DEFA4: variants seen among roughly 807,000 people sequenced by gnomAD.
The protein encoded by DEFA4 is corticostatin.
A neutral mutation model predicts 4.4 loss-of-function variants in DEFA4; 8 were observed. The observed-to-expected ratio is 1.82, with a 90% CI of 1.07 to 3.29. The LOEUF (loss-of-function observed/expected upper bound fraction) is 3.29. Among genes scored for constraint, DEFA4 ranks in the 30% most tolerant of loss-of-function variants. The pLI is 0.00. For missense variants in DEFA4, 216 were observed against 127.0 expected (o/e 1.70, Z -3.37); for synonymous variants, 77 against 46.5 (o/e 1.66, Z -2.67).
chr8:6,936,101 G>C lies in DEFA4; in HGVS notation c.213C>G (p.Phe71Leu), dbSNP rs1808838437. The C allele has an allele frequency of 6.2e-7, 1 of 1,614,044 alleles. No individual in the cohort carries two copies. The highest frequency in any genetic ancestry group is 1.1e-5 in the South Asian group (1 of 90,988). ...CAACACGAAGTTCTGTTCGCCGGCA[G>C]AATACTAATCTGCAAGAGCAGACCA... ...RGMVCSCRLV[F>L]CRRTELRVGN... The change falls in exon 3 of 3, where the codon TTC (phenylalanine) becomes TTG (leucine). Residue 71 changes from phenylalanine (F) to leucine (L), a missense_variant. By Grantham distance (22) the Phe-to-Leu change is conservative (BLOSUM62 0). Coordinates refer to ENST00000297435, the MANE Select transcript of DEFA4 (RefSeq NM_001925.3).
chr8:6,936,305 C>T (rs1161572568), intron 2 of DEFA4, among the ~76,000 whole-genome samples, 164 bp from the exon 3 acceptor site: 1 of 152,182 alleles, frequency 6.6e-6, no homozygotes, highest in Non-Finnish European at 1.5e-5. Flanking sequence ...CAGAGCAATG[C>T]TGCTCATACA....
At position 6,936,818 on chromosome 8, in the gene DEFA4, C is replaced by T; in HGVS notation, c.82G>A (p.Glu28Lys). 6.2e-7 allele frequency: 1 copy of T among 1,613,748 alleles called. No individual in the cohort carries two copies. Among genetic ancestry groups the T allele is most frequent in the Non-Finnish European group, 8.5e-7 (1 of 1,179,864 alleles). Reference protein sequence around the residue: ...RAGPLQARGDEAPGQEQRGPE... With the variant: ...RAGPLQARGDKAPGQEQRGPE... ...CCACGCTGCTCCTGGCCTGGAGCCT[C>T]ATCACCTCTTGCCTGGAGTGGGCCT... The change falls in exon 2 of 3, where the codon GAG becomes AAG. Residue 28 changes from glutamate to lysine, a missense_variant. Physicochemically the swap from Glu to Lys is moderately conservative, Grantham distance 56. Transcript: ENST00000297435.
intron 2 of DEFA4, among the ~76,000 whole-genome samples, 187 bp downstream of exon 2, chr8:6,936,541 G>A (rs2741681): frequency 6.6e-6 from 1 of 152,124 alleles, no homozygotes; most frequent in South Asian, 2.1e-4. Context: ...TTGGAATCAA[G>A]TCTTTGGAGA....
chr8:6,936,650 C>T (rs1441484243), intron 2 of DEFA4, 78 bp downstream of exon 2: 16 of 1,389,382 alleles, frequency 1.2e-5, no homozygotes, highest in Non-Finnish European at 1.3e-5. Flanking sequence ...TGACATCCAC[C>T]ATTGAGATGT....
chr8:6,937,284 C>T (rs1027369611), intron 1 of DEFA4, among the ~76,000 whole-genome samples: 3 of 152,078 alleles, frequency 2.0e-5, no homozygotes, highest in Non-Finnish European at 4.4e-5. Flanking sequence ...GCAAATGCCT[C>T]TTATTTCCTG....
In DEFA4 at chr8:6,935,845, G is replaced by A; in HGVS notation, c.*175C>T. 1 of 775,764 alleles carries A rather than the reference G, an allele frequency of 1.3e-6. No individual in the cohort carries two copies. The highest frequency in any genetic ancestry group is 1.7e-5 in the African/African-American group (1 of 57,696). 48.1% of individuals were successfully genotyped at this position (775,764 alleles called of 1,614,324 possible). On this transcript the variant is annotated 3_prime_UTR_variant, in exon 3 of 3. Coordinates refer to ENST00000297435, the MANE Select transcript of DEFA4 (RefSeq NM_001925.3). ...CATCTTGTTACGAGATATATATTTA[G>A]GATCAAGAAAGATGTTAAGGACAAA...
At chr8:6,936,206 C>T (rs745327485) in intron 2 of DEFA4, 65 bp from the exon 3 acceptor site, 119 of 1,597,658 alleles carry the variant, frequency 7.4e-5, no homozygotes, top group Admixed American at 3.7e-4. Context: ...TAAAGGGAAT[C>T]TTGGAGAAGT....
At chr8:6,937,247 A>G (rs553527206) in intron 1 of DEFA4, among the ~76,000 whole-genome samples, 142 of 152,310 alleles carry the variant, frequency 9.3e-4, no homozygotes, top group South Asian at 2.9e-3. Context: ...GAATGGAAAC[A>G]GTGCTTTCAT....
chr8:6,938,076 C>T (rs1323036383), intron 1 of DEFA4, 150 bp downstream of exon 1: 1 of 152,208 alleles, frequency 6.6e-6, no homozygotes, highest in Non-Finnish European at 1.5e-5. Context: ...CCATTACCCC[C>T]AGCAGCCGCC....
rs751364788 is a variant in DEFA4, at chr8:6,936,135, G to T, written c.179C>A (p.Thr60Lys). The change falls in exon 3 of 3, where the codon ACA (threonine) becomes AAA (lysine). Residue 60 changes from threonine to lysine, a missense_variant. Thr to Lys is a moderately conservative substitution (Grantham distance 78). Coordinates refer to ENST00000297435, the MANE Select transcript of DEFA4 (RefSeq NM_001925.3). ...KSSALQVSGSTRGMVCSCRLV... is the reference protein window; with the variant it reads ...KSSALQVSGSKRGMVCSCRLV... Reference sequence around the variant, plus strand: ...TCTGCAAGAGCAGACCATGCCCCTTGTTGAGCCTGGGAACACAGAGGAAGC... The same window carrying T: ...TCTGCAAGAGCAGACCATGCCCCTTTTTGAGCCTGGGAACACAGAGGAAGC... The T allele has an allele frequency of 6.2e-7, 1 of 1,613,888 alleles. No homozygotes were observed. The highest frequency in any genetic ancestry group is 8.5e-7 in the Non-Finnish European group (1 of 1,179,986).
rs886901760 is a variant in DEFA4 at position 6,936,955 on chromosome 8, C to G, written c.-12-44G>C. ...GAGCAGCTGTGTGGGGAGGGAGAAG[C>G]CAGCTTGGATTTATAGCTTTGCTGG... On this transcript the variant is annotated intron_variant, in intron 1 of 2. Transcript: ENST00000297435. The G allele has an allele frequency of 2.1e-6, 3 of 1,439,064 alleles. 1 individual carries two copies. Among genetic ancestry groups the G allele is most frequent in the Non-Finnish European group, 2.8e-6 (3 of 1,084,504 alleles). 89.1% of individuals were successfully genotyped at this position (1,439,064 alleles called of 1,614,324 possible).
chr8:6,937,761 G>A lies in DEFA4; in HGVS notation c.-13+465C>T, dbSNP rs140192535. ...ATAGACAAGCGGGGCTGCATTGAAC[G>A]CTAAAGCATCTTCATAGCAAAGGAA... On this transcript the variant is annotated intron_variant, in intron 1 of 2. Coordinates refer to ENST00000297435, the MANE Select transcript of DEFA4 (RefSeq NM_001925.3). 5.7e-4 allele frequency among the ~76,000 whole-genome samples: 87 copies of A among 152,214 alleles called. 1 individual carries two copies. The highest frequency in any genetic ancestry group is 1.9e-3 in the African/African-American group (78 of 41,550).
At position 6,936,907 on chromosome 8, in the gene DEFA4, G is replaced by A. The variant is rs758884882; in HGVS notation, c.-8C>T. On this transcript the variant is annotated 5_prime_UTR_variant, in exon 2 of 3. Coordinates refer to ENST00000297435, the MANE Select transcript of DEFA4 (RefSeq NM_001925.3). ...GAGGGCGATAATCCTCATGGCTGGG[G>A]TGACCTGGAGGAGGGAGAGCAGGAG... is the stretch of plus-strand genomic sequence containing the variant. The A allele has an allele frequency of 3.8e-6, 6 of 1,587,078 alleles. No homozygotes were observed. The highest frequency in any genetic ancestry group is 1.1e-5 in the South Asian group (1 of 87,080).
intron 1 of DEFA4, 48 bp from the exon 2 acceptor site, chr8:6,936,959 C>G: frequency 7.0e-7 from 1 of 1,426,230 alleles, no homozygotes; most frequent in Non-Finnish European, 9.3e-7. Flanking sequence ...GAGAAGCCAG[C>G]TTGGATTTAT....
intron 2 of DEFA4, 94 bp downstream of exon 2, chr8:6,936,634 C>G: frequency 7.5e-7 from 1 of 1,335,852 alleles, no homozygotes. Context: ...AGTAAAGCCA[C>G]CTAAGTGACA....
rs766016367 is a variant in DEFA4 at position 6,935,998 on chromosome 8, C to T, written c.*22G>A. 2 of 1,612,946 alleles carry T rather than the reference C, an allele frequency of 1.2e-6. No homozygotes were observed. Among genetic ancestry groups the T allele is most frequent in the Non-Finnish European group, 8.5e-7 (1 of 1,179,094 alleles). On this transcript the variant is annotated 3_prime_UTR_variant, in exon 3 of 3. Coordinates refer to ENST00000297435, the MANE Select transcript of DEFA4 (RefSeq NM_001925.3). ...ACCGATGATGGCGTTCCCAGCATGACATTCTCTTGGACAGCAGAACGTTAA... is the reference window on the plus strand; with the variant it reads ...ACCGATGATGGCGTTCCCAGCATGATATTCTCTTGGACAGCAGAACGTTAA...
rs765817203 is a variant in DEFA4 at position 6,935,974 on chromosome 8, C to T, written c.*46G>A. On this transcript the variant is annotated 3_prime_UTR_variant, in exon 3 of 3. Transcript: ENST00000297435. ...GCAGAAGCATGTGAAGCTAACACCA[C>T]CGATGATGGCGTTCCCAGCATGACA... 7.4e-6 allele frequency: 12 copies of T among 1,611,490 alleles called. No individual in the cohort carries two copies. The highest frequency in any genetic ancestry group is 1.0e-5 in the Non-Finnish European group (12 of 1,177,920).
In DEFA4 at chr8:6,936,777, G is replaced by A. The variant is rs1293033798; in HGVS notation, c.123C>T (p.Asp41=). ...GQEQRGPEDQ[D]ISISFAWDKS... is the part of the protein sequence containing the mutation. ...TATCCCATGCAAAGGAAATAGATAT[G>A]TCCTGGTCTTCTGGCCCACGCTGCT... Residue 41 remains aspartate, a synonymous_variant, in exon 2 of 3, where the codon GAC becomes GAT. Transcript: ENST00000297435. 1.9e-6 allele frequency: 3 copies of A among 1,613,492 alleles called. No homozygotes were observed. The highest frequency in any genetic ancestry group is 2.5e-6 in the Non-Finnish European group (3 of 1,179,816).
intron 1 of DEFA4, among the ~76,000 whole-genome samples, chr8:6,937,510 A>C (rs1262017431): frequency 2.6e-5 from 4 of 152,174 alleles, no homozygotes; most frequent in Non-Finnish European, 5.9e-5. Flanking sequence ...AGAGAGATAA[A>C]GAGTTGTGTA....
Sources: allele counts gnomAD v4.1 joint callset (sites outside exome capture counted in the v4.1 genomes callset), GRCh38; gene constraint gnomAD v4.1.1; transcripts MANE v1.5; gene names NCBI Gene and HGNC (gene_info 2026-07-23, HGNC 2026-07-21).